MYOCOS: variants seen among roughly 807,000 people sequenced by gnomAD.
The protein encoded by MYOCOS is myocilin opposite strand protein.
At chr1:171,617,886 G>A (rs1379751465), upstream of MYOCOS, among the ~76,000 whole-genome samples, 7 of 152,160 alleles carry the variant, frequency 4.6e-5, no homozygotes, top group Admixed American at 3.3e-4. Flanking sequence ...TGGAGTGGAA[G>A]GGTTGGCCCC....
In MYOCOS at chr1:171,625,179, C is replaced by A. The variant is rs553070420; in HGVS notation, c.95+1201C>A. 1.4e-3 allele frequency among the ~76,000 whole-genome samples: 213 copies of A among 152,228 alleles called. 1 individual carries two copies. The highest frequency in any genetic ancestry group is 4.6e-3 in the African/African-American group (191 of 41,526). On this transcript the variant is annotated intron_variant, in intron 2 of 2. Coordinates refer to ENST00000637642, the MANE Select transcript of MYOCOS (RefSeq NM_001391940.1). ...CCAATTTGATACCACGGGTTTAGAC[C>A]GTGAGAGTGGGCATTGTCTGCAGGA...
intron 2 of MYOCOS, 146 bp from the exon 3 acceptor site, chr1:171,626,308 C>T (rs1452122996): frequency 7.8e-6 from 3 of 383,228 alleles, no homozygotes; most frequent in Non-Finnish European, 1.4e-5. Context: ...TCTTGAACTC[C>T]TGGGCTCAAG....
chr1:171,621,655 A>T (rs772986853), upstream of MYOCOS, among the ~76,000 whole-genome samples: 6 of 152,074 alleles, frequency 3.9e-5, no homozygotes, highest in Non-Finnish European at 7.4e-5. Flanking sequence ...GATTGCAGGC[A>T]TGAGCCACCG....
chr1:171,613,310 C>T (rs1320282995), intron 1 of MYOCOS, among the ~76,000 whole-genome samples: 1 of 152,078 alleles, frequency 6.6e-6, no homozygotes, highest in African/African-American at 2.4e-5. Flanking sequence ...AAGGGAGGTC[C>T]CAAGGAAAAC....
chr1:171,613,960 T>C (rs923089769), intron 1 of MYOCOS, among the ~76,000 whole-genome samples: 10 of 152,312 alleles, frequency 6.6e-5, no homozygotes, highest in Admixed American at 2.0e-4. Flanking sequence ...GTCCAGTCTT[T>C]CATCTTCTTT....
At chr1:171,613,998 G>A (rs544438924) in intron 1 of MYOCOS, among the ~76,000 whole-genome samples, 1 of 152,298 alleles carries the variant, frequency 6.6e-6, no homozygotes, top group South Asian at 2.1e-4. Flanking sequence ...CACCCAGGAA[G>A]AGGCATTGTC....
At chr1:171,608,435 T>TTTTTA (rs1652294206) in intron 1 of MYOCOS, among the ~76,000 whole-genome samples, 1 of 140,686 alleles carries the variant, frequency 7.1e-6, no homozygotes, top group Non-Finnish European at 1.5e-5. Context: ...TTTTTTTTTT[T>TTTTTA]GAGATGGAGC....
At chr1:171,612,269 G>A (rs1652369291) in intron 1 of MYOCOS, among the ~76,000 whole-genome samples, 1 of 151,688 alleles carries the variant, frequency 6.6e-6, no homozygotes, top group African/African-American at 2.4e-5. Context: ...AGTAGAGACG[G>A]GGTTTCATCA....
chr1:171,602,042 T>TA (rs879909075), intron 1 of MYOCOS, among the ~76,000 whole-genome samples: 144 of 139,732 alleles, frequency 1.0e-3, no homozygotes, highest in South Asian at 4.7e-3. Context: ...AAGTTTGCTT[T>TA]AAAAAAAAAA....
chr1:171,600,956 A>G (rs1652130790), exon 1 of MYOCOS: 1 of 152,272 alleles, frequency 6.6e-6, no homozygotes, highest in Non-Finnish European at 1.5e-5. Flanking sequence ...AACGAGGCAG[A>G]CAAAACCTGG....
chr1:171,617,317 C>T (rs577310432), upstream of MYOCOS, among the ~76,000 whole-genome samples: 2 of 152,138 alleles, frequency 1.3e-5, no homozygotes, highest in South Asian at 2.1e-4. Flanking sequence ...GAACCTGACA[C>T]GCGATTAAGT....
chr1:171,607,536 C>A (rs1047563144), intron 1 of MYOCOS, among the ~76,000 whole-genome samples: 4 of 152,164 alleles, frequency 2.6e-5, no homozygotes, highest in African/African-American at 7.2e-5. Flanking sequence ...GAAGACTGAA[C>A]TTCTAAAATG....
At chr1:171,621,371 T>TG (rs1281526736), upstream of MYOCOS, among the ~76,000 whole-genome samples, 2 of 121,350 alleles carry the variant, frequency 1.6e-5, no homozygotes, top group Non-Finnish European at 3.3e-5. Context: ...TCTTCTATGG[T>TG]GGGTTTTTTT....
At chr1:171,624,136 T>C (rs1652631893) in intron 2 of MYOCOS, among the ~76,000 whole-genome samples, 158 bp downstream of exon 2, 1 of 152,208 alleles carries the variant, frequency 6.6e-6, no homozygotes, top group South Asian at 2.1e-4. Flanking sequence ...TGCTTTGTCA[T>C]CCATTGTGGA....
upstream of MYOCOS, among the ~76,000 whole-genome samples, chr1:171,618,106 C>T (rs910799055): frequency 1.3e-5 from 2 of 152,214 alleles, no homozygotes; most frequent in Non-Finnish European, 2.9e-5. Flanking sequence ...CACACACTTA[C>T]AGCTGCAGTC....
intron 1 of MYOCOS, among the ~76,000 whole-genome samples, chr1:171,603,959 A>T (rs55810822): frequency 6.6e-6 from 1 of 152,062 alleles, no homozygotes; most frequent in Non-Finnish European, 1.5e-5. Flanking sequence ...ATGCTAGACT[A>T]ACTAGATACC....
At chr1:171,620,456 T>C (rs1271521354), upstream of MYOCOS, among the ~76,000 whole-genome samples, 2 of 152,176 alleles carry the variant, frequency 1.3e-5, no homozygotes, top group East Asian at 3.8e-4. Context: ...GTAAAGAATC[T>C]CAATTAACAT....
chr1:171,602,388 C>T (rs235888), intron 1 of MYOCOS, among the ~76,000 whole-genome samples: 99,403 of 151,936 alleles, frequency 0.65, 32,797 homozygotes, highest in African/African-American at 0.74. Flanking sequence ...GGCATAAAAA[C>T]GTGGATTTTT....
upstream of MYOCOS, among the ~76,000 whole-genome samples, chr1:171,619,654 G>A (rs1471473501): frequency 1.3e-5 from 2 of 152,000 alleles, no homozygotes; most frequent in African/African-American, 4.8e-5. Flanking sequence ...TTCAAGACCA[G>A]CCTGGCCAAT....
Sources: allele counts gnomAD v4.1 joint callset (sites outside exome capture counted in the v4.1 genomes callset), GRCh38; gene constraint gnomAD v4.1.1; transcripts MANE v1.5; gene names NCBI Gene and HGNC (gene_info 2026-07-23, HGNC 2026-07-21).